Variants in SLC37A1 observed in about 807,000 individuals in gnomAD.
SLC37A1 encodes solute carrier family 37 member 1.
Under a neutral mutation model 75.3 loss-of-function variants are expected in SLC37A1, and 49 were observed. That is an observed-to-expected ratio of 0.65 (90% CI 0.52 to 0.83). The LOEUF (loss-of-function observed/expected upper bound fraction) is 0.83, where lower values mean the gene tolerates loss of function less well. Among genes scored for constraint, SLC37A1 ranks in the 40% least tolerant of loss-of-function variants. The pLI is 0.00. For synonymous variants in SLC37A1, 268 were observed against 292.1 expected (o/e 0.92, Z 0.84); for missense variants, 566 against 695.0 (o/e 0.81, Z 2.09).
At chr21:42,542,377 C>T (rs1301051651) in intron 6 of SLC37A1, 27 bp from the exon 7 acceptor site, 10 of 1,609,100 alleles carry the variant, frequency 6.2e-6, no homozygotes, top group Non-Finnish European at 8.5e-6. Context: ...TCCCACAGGT[C>T]AGTCTCTCCT....
chr21:42,575,684 G>C, intron 18 of SLC37A1: 4 of 985,388 alleles, frequency 4.1e-6, no homozygotes, highest in Non-Finnish European at 4.8e-6. Flanking sequence ...CAAAACCTTA[G>C]GCTGATCCCA....
chr21:42,566,937 G>C, intron 15 of SLC37A1, 48 bp from the exon 16 acceptor site: 2 of 1,577,228 alleles, frequency 1.3e-6, no homozygotes, highest in Non-Finnish European at 1.7e-6. Context: ...TGCATGCGGG[G>C]CTCTCTGGAG....
chr21:42,525,554 G>C (rs2054768287), intron 2 of SLC37A1, among the ~76,000 whole-genome samples: 2 of 152,230 alleles, frequency 1.3e-5, no homozygotes, highest in African/African-American at 4.8e-5. Context: ...AAGCAGTCTG[G>C]TTTTTCCTGT....
At chr21:42,525,441 G>A (rs749193854) in intron 2 of SLC37A1, among the ~76,000 whole-genome samples, 6 of 152,222 alleles carry the variant, frequency 3.9e-5, no homozygotes. Flanking sequence ...TCACTTAGAG[G>A]ACATCCAGTG....
rs74609225 is a variant in SLC37A1, at chr21:42,576,235, A to G, written c.1521+1320A>G. Reference sequence around the variant, plus strand: ...AGCCATGCTTGCAGTGAAAGAGTATACTAGATGATATCTGCACACTGGCAC... The same window carrying G: ...AGCCATGCTTGCAGTGAAAGAGTATGCTAGATGATATCTGCACACTGGCAC... On this transcript the variant is annotated intron_variant, in intron 18 of 19. Transcript: ENST00000352133. 8.7e-3 allele frequency among the ~76,000 whole-genome samples: 1,319 copies of G among 152,138 alleles called. 16 individuals are homozygous for G. The highest frequency in any genetic ancestry group is 0.03 in the African/African-American group (1,242 of 41,488).
chr21:42,573,823 C>A (rs1406165884), intron 17 of SLC37A1, among the ~76,000 whole-genome samples: 2 of 152,210 alleles, frequency 1.3e-5, no homozygotes, highest in Non-Finnish European at 2.9e-5. Flanking sequence ...GAATTCATTT[C>A]AGTCCCTCTT....
chr21:42,517,591 T>C lies in SLC37A1; in HGVS notation c.-178-686T>C, dbSNP rs111848312. Among the ~76,000 whole-genome samples the C allele has an allele frequency of 1.1e-3, 168 of 152,312 alleles. 1 individual carries two copies. Among genetic ancestry groups the C allele is most frequent in the African/African-American group, 3.8e-3 (158 of 41,560 alleles). On this transcript the variant is annotated intron_variant, in intron 1 of 19. Transcript: ENST00000352133. ...ACTCAGGAATGTCATGAGTTTGACATTGGGATGGGAGACCAGGCCTGCCTG... is the reference window on the plus strand; with the variant it reads ...ACTCAGGAATGTCATGAGTTTGACACTGGGATGGGAGACCAGGCCTGCCTG...
At position 42,514,686 on chromosome 21, in the gene SLC37A1, C is replaced by G. The variant is rs1287617838; in HGVS notation, c.-210C>G. ...CTGGCCACCAGCCTTCCAGCCCTTA[C>G]GGCCCACGCCGTAATCCTGGTGACC... On this transcript the variant is annotated 5_prime_UTR_variant, in exon 1 of 20. It introduces an in-frame stop codon into an upstream open reading frame of the 5' UTR. Coordinates refer to ENST00000352133, the MANE Select transcript of SLC37A1 (RefSeq NM_001320537.2). This position sits in a 1 kb window ranked among gnomAD's most constrained non-coding sequence, Gnocchi z 4.8. The G allele has an allele frequency of 6.6e-6, 1 of 152,344 alleles. No homozygotes were observed. Among genetic ancestry groups the G allele is most frequent in the African/African-American group, 2.4e-5 (1 of 41,442 alleles). The allele number at this position is 152,344 out of a possible 1,614,324, so 9.4% of individuals were successfully genotyped here.
intron 17 of SLC37A1, among the ~76,000 whole-genome samples, chr21:42,570,623 A>G (rs1181837438): frequency 6.6e-6 from 1 of 152,222 alleles, no homozygotes; most frequent in Non-Finnish European, 1.5e-5. Context: ...CTCTGCTGTG[A>G]AACCCTGTTC....
In SLC37A1 at chr21:42,534,709, C is replaced by T. The variant is rs1221377831; in HGVS notation, c.150C>T (p.His50=). ...CCATCACGTCCCAGGGTGAGCTCCA[C>T]AAGTACTGCACTGCTTGGGATGAAG... ...KPISIVKGEL[H]KYCTAWDEAD... The change falls in exon 4 of 20, where the codon CAC becomes CAT. Residue 50 remains histidine (H), a synonymous_variant. Coordinates refer to ENST00000352133, the MANE Select transcript of SLC37A1 (RefSeq NM_001320537.2). 1.6e-5 allele frequency: 26 copies of T among 1,612,794 alleles called. No individual in the cohort carries two copies. The highest frequency in any genetic ancestry group is 2.1e-5 in the Non-Finnish European group (25 of 1,179,302).
intron 10 of SLC37A1, among the ~76,000 whole-genome samples, chr21:42,555,865 G>A (rs543355234): frequency 2.6e-5 from 4 of 152,232 alleles, no homozygotes; most frequent in Non-Finnish European, 5.9e-5. Context: ...ACAACCGGGC[G>A]CATGCTGACC....
chr21:42,569,179 T>A (rs73375837), intron 17 of SLC37A1, among the ~76,000 whole-genome samples: 3,959 of 152,270 alleles, frequency 0.026, 186 homozygotes, highest in African/African-American at 0.091. Flanking sequence ...GGGTCTCCAG[T>A]AAAGCCGAGT....
chr21:42,534,956 CA>C (rs1413767588), intron 4 of SLC37A1, 126 bp downstream of exon 4: 10 of 1,305,768 alleles, frequency 7.7e-6, no homozygotes, highest in South Asian at 1.5e-5. Flanking sequence ...CCTCTCCTAC[CA>C]AAAAGCACAT....
intron 14 of SLC37A1, among the ~76,000 whole-genome samples, 156 bp from the exon 15 acceptor site, chr21:42,565,671 C>T (rs554944266): frequency 2.0e-5 from 3 of 152,242 alleles, no homozygotes; most frequent in African/African-American, 4.8e-5. Context: ...GTACCTGAGA[C>T]GGGAGGGGGC....
At chr21:42,516,994 T>C (rs2054532817) in intron 1 of SLC37A1, among the ~76,000 whole-genome samples, 1 of 152,206 alleles carries the variant, frequency 6.6e-6, no homozygotes, top group African/African-American at 2.4e-5. Flanking sequence ...TTTTGAAGTA[T>C]TTGTGGCTGT....
intron 2 of SLC37A1, among the ~76,000 whole-genome samples, chr21:42,524,053 G>A (rs970681942): frequency 6.6e-6 from 1 of 152,162 alleles, no homozygotes; most frequent in African/African-American, 2.4e-5. Flanking sequence ...ATGCGCAGCT[G>A]GGAGAAGCAA....
At position 42,548,668 on chromosome 21, in the gene SLC37A1, C is replaced by G. The variant is rs889985336; in HGVS notation, c.768+1528C>G. On this transcript the variant is annotated intron_variant, in intron 9 of 19. Coordinates refer to ENST00000352133, the MANE Select transcript of SLC37A1 (RefSeq NM_001320537.2). The surrounding 1 kb of genome is among the most constrained non-coding windows in gnomAD (Gnocchi z 5.6). ...TCCCCAGAATCTCTTCTTCACACCG[C>G]ACTTGCAGAGACTGTATTGATACAG... is the stretch of plus-strand genomic sequence containing the variant. Among the ~76,000 whole-genome samples the G allele has an allele frequency of 6.6e-6, 1 of 152,252 alleles. No individual in the cohort carries two copies. The highest frequency in any genetic ancestry group is 2.4e-5 in the African/African-American group (1 of 41,460).
At chr21:42,523,238 G>A (rs924835026) in intron 2 of SLC37A1, among the ~76,000 whole-genome samples, 12 of 152,228 alleles carry the variant, frequency 7.9e-5, no homozygotes, top group African/African-American at 2.9e-4. Context: ...GACTGGGGAG[G>A]TGCTGGAGGC....
chr21:42,560,432 C>T (rs2055802482), intron 11 of SLC37A1: 1 of 152,572 alleles, frequency 6.6e-6, no homozygotes, highest in African/African-American at 2.4e-5. Flanking sequence ...AGACACAGCT[C>T]TCGCTTGTTG....
Sources: gnomAD v4.1 joint callset for allele counts (sites outside exome capture counted in the v4.1 genomes callset) on GRCh38, gnomAD v4.1.1 for gene constraint, Gnocchi (gnomAD v3.1) non-coding constraint, MANE v1.5 for transcripts, NCBI Gene and HGNC (gene_info 2026-07-23, HGNC 2026-07-21) for gene names.